The following SAMSN1 variants were observed in gnomAD, a reference collection of about 807,000 sequenced individuals.
SAMSN1 encodes SAM domain, SH3 domain and nuclear localization signals 1, also known as SAM domain-containing protein SAMSN-1.
Under a neutral mutation model 42.0 loss-of-function variants are expected in SAMSN1, and 31 were observed. The observed-to-expected ratio is 0.74, with a 90% CI of 0.55 to 1.00. The LOEUF is 1.00. Among genes scored for constraint, SAMSN1 ranks in the 50% least tolerant of loss-of-function variants. SAMSN1 has a pLI of 0.00. For missense variants in SAMSN1, 464 were observed against 439.4 expected, an observed-to-expected ratio of 1.06 and a Z score of -0.50; for synonymous variants, 178 against 151.9, an observed-to-expected ratio of 1.17 and a Z score of -1.26.
At chr21:14,570,773 G>C (rs929896762) in intron 2 of SAMSN1, among the ~76,000 whole-genome samples, 1 of 152,142 alleles carries the variant, frequency 6.6e-6, no homozygotes, top group African/African-American at 2.4e-5. Context: ...TGTATGTAGA[G>C]TGATCTTTCC....
intron 2 of SAMSN1, among the ~76,000 whole-genome samples, chr21:14,553,278 G>C (rs1262822319): frequency 6.6e-6 from 1 of 151,816 alleles, no homozygotes; most frequent in Non-Finnish European, 1.5e-5. Flanking sequence ...AATGCTTTAT[G>C]TTCCTCTTTT....
chr21:14,541,079 A>G (rs968411574), intron 1 of SAMSN1, among the ~76,000 whole-genome samples: 1 of 145,040 alleles, frequency 6.9e-6, no homozygotes, highest in Admixed American at 6.9e-5. Context: ...GGAATTGAAC[A>G]ATGGGAACAT....
intron 5 of SAMSN1, chr21:14,602,243 T>C (rs957110591): frequency 1.7e-5 from 6 of 344,624 alleles, no homozygotes; most frequent in Non-Finnish European, 3.2e-5. Flanking sequence ...TTGTTAAATA[T>C]ATGCTATTTT....
Position 14,488,054 on chromosome 21 carries a change from C to T in SAMSN1, c.920-1940G>A, listed in dbSNP as rs149762732. On this transcript the variant is annotated intron_variant, in intron 7 of 7. Coordinates refer to ENST00000400566, the MANE Select transcript of SAMSN1 (RefSeq NM_022136.5). ...TGGGACCTCATTCTCTGAAGAATTGCTTTCTATCCTGCCTTGGCTTTTCTA... is the reference window on the plus strand; with the variant it reads ...TGGGACCTCATTCTCTGAAGAATTGTTTTCTATCCTGCCTTGGCTTTTCTA... Among the ~76,000 whole-genome samples, 253 of 152,058 alleles carry T rather than the reference C, an allele frequency of 1.7e-3. 9 individuals carry two copies. In the East Asian group the frequency reaches 0.039, roughly 23 times the overall value.
intron 1 of SAMSN1, among the ~76,000 whole-genome samples, chr21:14,525,719 G>T (rs73894245): frequency 1.3e-3 from 193 of 152,202 alleles, no homozygotes; most frequent in African/African-American, 4.4e-3. Flanking sequence ...TTAGCTGGAT[G>T]GTGGCTATAT....
intron 2 of SAMSN1, among the ~76,000 whole-genome samples, chr21:14,560,852 A>G (rs1436239847): frequency 1.3e-5 from 2 of 152,228 alleles, no homozygotes; most frequent in Non-Finnish European, 2.9e-5. Context: ...TTAGTTTTCC[A>G]AGGCTGCCAT....
chr21:14,493,260 T>A (rs945608435), intron 7 of SAMSN1, among the ~76,000 whole-genome samples: 1 of 152,210 alleles, frequency 6.6e-6, no homozygotes, highest in African/African-American at 2.4e-5. Context: ...AGTTTGCAGG[T>A]ACCTCAAATG....
chr21:14,582,196 A>G, exon 2 of SAMSN1: 1 of 1,550,726 alleles, frequency 6.4e-7, no homozygotes, highest in East Asian at 2.4e-5. Flanking sequence ...GGCGAATACA[A>G]GAGGAGCAGT....
intron 1 of SAMSN1, among the ~76,000 whole-genome samples, chr21:14,525,018 T>TTTCATCAACTAAATAG (rs774489278): frequency 6.6e-6 from 1 of 152,190 alleles, no homozygotes; most frequent in East Asian, 1.9e-4. Context: ...ATGAAACCTA[T>TTTCATCAACTAAATAG]TTCATCAACT....
At chr21:14,527,610 A>T (rs868585251) in intron 1 of SAMSN1, among the ~76,000 whole-genome samples, 1 of 152,308 alleles carries the variant, frequency 6.6e-6, no homozygotes, top group Middle Eastern at 3.4e-3. Flanking sequence ...TAGCTTCAAG[A>T]AGTGCAGATT....
At chr21:14,636,750 G>A (rs1983477435) in intron 2 of SAMSN1, among the ~76,000 whole-genome samples, 1 of 152,108 alleles carries the variant, frequency 6.6e-6, no homozygotes, top group South Asian at 2.1e-4. Flanking sequence ...TCGGGAGGCT[G>A]AGGCGGTGGC....
intron 2 of SAMSN1, among the ~76,000 whole-genome samples, chr21:14,558,813 G>C (rs933422920): frequency 2.6e-5 from 4 of 152,082 alleles, no homozygotes; most frequent in Non-Finnish European, 5.9e-5. Flanking sequence ...ATAACATTCT[G>C]TCCCATGGCT....
chr21:14,508,744 G>T (rs1426383122), intron 5 of SAMSN1, among the ~76,000 whole-genome samples: 1 of 152,198 alleles, frequency 6.6e-6, no homozygotes, highest in Non-Finnish European at 1.5e-5. Flanking sequence ...ATACAAAAAA[G>T]ATACTTGCAC....
At chr21:14,637,926 A>G (rs1983505427) in intron 2 of SAMSN1, among the ~76,000 whole-genome samples, 1 of 152,142 alleles carries the variant, frequency 6.6e-6, no homozygotes, top group African/African-American at 2.4e-5. Flanking sequence ...GTGAGATGGC[A>G]CTGTTTGTGT....
At chr21:14,575,708 A>G (rs1163511621) in intron 2 of SAMSN1, among the ~76,000 whole-genome samples, 1 of 152,196 alleles carries the variant, frequency 6.6e-6, no homozygotes, top group Non-Finnish European at 1.5e-5. Flanking sequence ...CAGGTCCAAA[A>G]ATAATACTAC....
At chr21:14,659,413 C>CA (rs908456003), upstream of SAMSN1, among the ~76,000 whole-genome samples, 5 of 151,918 alleles carry the variant, frequency 3.3e-5, no homozygotes, top group African/African-American at 1.2e-4. Context: ...TTTCCTAACT[C>CA]AAACCCCATA....
rs562615687 is a variant in SAMSN1, at chr21:14,657,312, A to G, written c.24+1436T>C. On this transcript the variant is annotated intron_variant, in intron 1 of 15. Coordinates refer to the SAMSN1 transcript ENST00000647101. The stretch of plus-strand genomic sequence containing the variant: ...TCCGTCTAATGAAATATGTTTCTGA[A>G]CAAGTAACTTCTTAAGGACAACTTT... Among the ~76,000 whole-genome samples the G allele has an allele frequency of 3.3e-5, 5 of 151,968 alleles. No individual in the cohort carries two copies. The South Asian group carries it at 1.0e-3, about 31-fold the overall frequency.
intron 7 of SAMSN1, among the ~76,000 whole-genome samples, chr21:14,591,779 C>T (rs115407964): frequency 6.6e-6 from 1 of 152,242 alleles, no homozygotes; most frequent in African/African-American, 2.4e-5. Context: ...AACACTAAAA[C>T]CCTTTCAAGT....
At chr21:14,517,668 T>C (rs1331343319) in intron 2 of SAMSN1, among the ~76,000 whole-genome samples, 1 of 152,220 alleles carries the variant, frequency 6.6e-6, no homozygotes, top group African/African-American at 2.4e-5. Flanking sequence ...TCACATGCTA[T>C]ATTAATCAAA....
Sources: allele counts gnomAD v4.1 joint callset (sites outside exome capture counted in the v4.1 genomes callset), GRCh38; gene constraint gnomAD v4.1.1; transcripts MANE v1.5; gene names NCBI Gene and HGNC (gene_info 2026-07-23, HGNC 2026-07-21).